Variants in PTPRM observed in about 807,000 individuals in gnomAD.
The protein encoded by PTPRM is receptor-type tyrosine-protein phosphatase mu.
In PTPRM, 47 loss-of-function variants were observed where a neutral mutation model predicts 186.7. The ratio of observed to expected loss-of-function variants is 0.25; its 90% CI spans 0.20 to 0.32. The LOEUF is 0.32. Among genes scored for constraint, PTPRM ranks in the 10% least tolerant of loss-of-function variants. The pLI, the probability that PTPRM is intolerant of heterozygous loss-of-function variation, is 1.00. For synonymous variants in PTPRM, 668 were observed against 674.9 expected, an observed-to-expected ratio of 0.99 and a Z score of 0.16; for missense variants, 1,494 against 1,865.0, an observed-to-expected ratio of 0.80 and a Z score of 3.66.
At chr18:8,367,518 C>T (rs1035573045) in intron 23 of PTPRM, among the ~76,000 whole-genome samples, 2 of 152,262 alleles carry the variant, frequency 1.3e-5, no homozygotes, top group African/African-American at 4.8e-5. Flanking sequence ...GCACCTGTTC[C>T]GCGGAAGCGC....
chr18:7,983,159 A>T (rs1473596055), intron 7 of PTPRM, among the ~76,000 whole-genome samples: 1 of 152,154 alleles, frequency 6.6e-6, no homozygotes, highest in African/African-American at 2.4e-5. Flanking sequence ...CACAGCAGGA[A>T]GTGAGCCAGA....
Position 8,351,580 on chromosome 18 carries a change from ACGG to A in PTPRM, c.3054+8062_3054+8064del, listed in dbSNP as rs201781427. ...CCTTTCCCTAAATCTGGCCACAGGG[ACGG>A]CCTCTCTGTTGTCAGAGATGGTGGA... On this transcript the variant is annotated intron_variant, in intron 23 of 32. Transcript: ENST00000580170. Among the ~76,000 whole-genome samples, 174 of 152,280 alleles carry A rather than the reference ACGG, an allele frequency of 1.1e-3. 4 individuals are homozygous for A. The East Asian group carries it at 0.028, about 24-fold the overall frequency.
chr18:7,602,053 G>A (rs867438251), intron 1 of PTPRM, among the ~76,000 whole-genome samples: 14 of 152,308 alleles, frequency 9.2e-5, no homozygotes, highest in African/African-American at 3.4e-4. Context: ...CTGATGAGGG[G>A]ACTTAAACCT....
At chr18:8,390,935 AAATAATAAT>A (rs71356213) in intron 31 of PTPRM, among the ~76,000 whole-genome samples, 6,536 of 143,364 alleles carry the variant, frequency 0.046, 179 homozygotes, top group East Asian at 0.1. Context: ...CTCAAAAAGA[AAATAATAAT>A]AATAATAATA....
At chr18:8,110,809 C>G (rs1419835955) in intron 11 of PTPRM, among the ~76,000 whole-genome samples, 1 of 152,180 alleles carries the variant, frequency 6.6e-6, no homozygotes, top group Non-Finnish European at 1.5e-5. Flanking sequence ...ACATTATCGT[C>G]TATAACTCCC....
At chr18:7,982,648 G>A (rs116651213) in intron 7 of PTPRM, among the ~76,000 whole-genome samples, 3,234 of 152,080 alleles carry the variant, frequency 0.021, 43 homozygotes, top group African/African-American at 0.044. Flanking sequence ...GTACATGATT[G>A]TATGTGCTTG....
chr18:8,383,235 T>C lies in PTPRM; in HGVS notation c.3919-1326T>C, dbSNP rs781010753. Among the ~76,000 whole-genome samples, 5 of 124,714 alleles carry C rather than the reference T, an allele frequency of 4.0e-5. No individual in the cohort carries two copies. In the South Asian group the frequency reaches 1.1e-3, roughly 26 times the overall value. The allele number at this position is 124,714 out of a possible 152,430, so 81.8% of individuals were successfully genotyped here. On this transcript the variant is annotated intron_variant, in intron 29 of 32. Coordinates refer to ENST00000580170, the MANE Select transcript of PTPRM (RefSeq NM_001105244.2). ...ATCGCTTGAACCCGGGGGGCGGAGT[T>C]TGTGGTGAGCCGAGATCACACCACT...
chr18:7,897,440 C>T (rs377435289), intron 3 of PTPRM, among the ~76,000 whole-genome samples: 8 of 152,256 alleles, frequency 5.3e-5, no homozygotes, highest in African/African-American at 1.7e-4. Flanking sequence ...AAATATCACT[C>T]TCTCTCAAGC....
chr18:7,653,234 C>G (rs1463638718), intron 1 of PTPRM, among the ~76,000 whole-genome samples: 1 of 151,758 alleles, frequency 6.6e-6, no homozygotes, highest in Non-Finnish European at 1.5e-5. Context: ...GCTTTCTCGA[C>G]CTCCTGAGCT....
At chr18:7,666,385 CT>C (rs1363752446) in intron 1 of PTPRM, among the ~76,000 whole-genome samples, 1 of 152,204 alleles carries the variant, frequency 6.6e-6, no homozygotes, top group Admixed American at 6.5e-5. Flanking sequence ...GTCCATGTTA[CT>C]CCCGCCTTTC....
intron 2 of PTPRM, among the ~76,000 whole-genome samples, chr18:7,872,883 T>C (rs1216820492): frequency 1.3e-5 from 2 of 152,208 alleles, no homozygotes; most frequent in Non-Finnish European, 2.9e-5. Flanking sequence ...CATTTTTAAG[T>C]AAAGCCACAT....
intron 3 of PTPRM, among the ~76,000 whole-genome samples, chr18:7,901,585 C>T (rs1477568441): frequency 6.6e-6 from 1 of 151,996 alleles, no homozygotes; most frequent in African/African-American, 2.4e-5. Context: ...AGGATGGGCT[C>T]GATCCCTTGA....
intron 11 of PTPRM, among the ~76,000 whole-genome samples, chr18:8,099,606 A>G (rs2091194942): frequency 6.6e-6 from 1 of 152,146 alleles, no homozygotes; most frequent in South Asian, 2.1e-4. Flanking sequence ...CCGTGGATGG[A>G]TGCATCAAAA....
intron 19 of PTPRM, among the ~76,000 whole-genome samples, chr18:8,282,735 A>C (rs2094917293): frequency 6.6e-6 from 1 of 152,190 alleles, no homozygotes; most frequent in Non-Finnish European, 1.5e-5. Flanking sequence ...CTGGGCATTT[A>C]TCACAGAGAA....
At chr18:7,734,942 G>A (rs570840501) in intron 1 of PTPRM, among the ~76,000 whole-genome samples, 4 of 150,934 alleles carry the variant, frequency 2.7e-5, no homozygotes, top group Admixed American at 2.6e-4. Context: ...ACACACACAC[G>A]TTAACCAAAA....
chr18:8,331,422 A>T (rs1336811289), intron 22 of PTPRM, among the ~76,000 whole-genome samples: 1 of 152,200 alleles, frequency 6.6e-6, no homozygotes, highest in Non-Finnish European at 1.5e-5. Flanking sequence ...TATGTCAGTA[A>T]CTAGGCCAGG....
chr18:7,921,259 A>T (rs764462789), intron 4 of PTPRM, among the ~76,000 whole-genome samples: 3 of 151,908 alleles, frequency 2.0e-5, no homozygotes, highest in Admixed American at 6.6e-5. Flanking sequence ...TTTGTAGATA[A>T]TCTTTTTCCT....
intron 2 of PTPRM, among the ~76,000 whole-genome samples, chr18:7,887,248 A>G (rs2048834335): frequency 6.6e-6 from 1 of 152,174 alleles, no homozygotes; most frequent in African/African-American, 2.4e-5. Flanking sequence ...TATAAAATTC[A>G]TATGGGGAAG....
At chr18:7,642,701 T>C (rs2038471701) in intron 1 of PTPRM, among the ~76,000 whole-genome samples, 1 of 152,116 alleles carries the variant, frequency 6.6e-6, no homozygotes, top group African/African-American at 2.4e-5. Flanking sequence ...TTGACTTTGT[T>C]ATGTGGTCAT....
Sources: allele counts gnomAD v4.1 joint callset (sites outside exome capture counted in the v4.1 genomes callset), GRCh38; gene constraint gnomAD v4.1.1; transcripts MANE v1.5; gene names NCBI Gene and HGNC (gene_info 2026-07-23, HGNC 2026-07-21).